MACROD2: variants seen among roughly 807,000 people sequenced by gnomAD.
MACROD2 encodes mono-ADP ribosylhydrolase 2, also known as ADP-ribose glycohydrolase MACROD2.
Under a neutral mutation model 70.4 loss-of-function variants are expected in MACROD2, and 36 were observed. The observed-to-expected ratio is 0.51, with a 90% CI of 0.39 to 0.68. The LOEUF is 0.68. MACROD2 is among the 30% of genes least tolerant of loss of function. The pLI, the probability that MACROD2 is intolerant of heterozygous loss-of-function variation, is 0.00. For synonymous variants in MACROD2, 172 were observed against 178.8 expected (o/e 0.96, Z 0.30); for missense variants, 496 against 538.4 (o/e 0.92, Z 0.78).
intron 3 of MACROD2, among the ~76,000 whole-genome samples, chr20:14,234,288 T>C (rs1410184708): frequency 2.0e-5 from 3 of 152,208 alleles, no homozygotes; most frequent in Non-Finnish European, 2.9e-5. Context: ...ATTCTATTGA[T>C]TGTTCATATA....
intron 6 of MACROD2, among the ~76,000 whole-genome samples, chr20:15,296,314 G>C (rs1023625097): frequency 6.6e-6 from 1 of 152,102 alleles, no homozygotes; most frequent in African/African-American, 2.4e-5. Context: ...TAGAAAGAGA[G>C]AGACAGAAAA....
In MACROD2 at chr20:14,326,052, G is replaced by T. The variant is rs779955644; in HGVS notation, c.272-167427G>T. 5 of 1,613,934 alleles carry T rather than the reference G, an allele frequency of 3.1e-6. No homozygotes were observed. The South Asian group carries it at 5.5e-5, about 18-fold the overall frequency. On this transcript the variant is annotated intron_variant, in intron 3 of 17. Coordinates refer to ENST00000684519, the MANE Select transcript of MACROD2 (RefSeq NM_001351661.2). The surrounding 1 kb of genome is among the most constrained non-coding windows in gnomAD (Gnocchi z 5.5). ...GAGTTTCATCAAATAGGTAGAGGTT[G>T]CTGGTTTCCATGGGAACCATGCATA... is the stretch of plus-strand genomic sequence containing the variant.
At chr20:14,047,269 A>G (rs2053491987) in intron 2 of MACROD2, among the ~76,000 whole-genome samples, 1 of 151,910 alleles carries the variant, frequency 6.6e-6, no homozygotes, top group Admixed American at 6.6e-5. Context: ...GCATGGTGAA[A>G]CTCCGTCTCT....
intron 6 of MACROD2, among the ~76,000 whole-genome samples, chr20:15,243,267 A>C (rs1205616625): frequency 1.3e-5 from 2 of 152,122 alleles, no homozygotes. Context: ...ACTGAGCATG[A>C]TCCTGCTCCA....
chr20:15,119,822 AAT>A (rs1349133151), intron 5 of MACROD2, among the ~76,000 whole-genome samples: 1 of 152,240 alleles, frequency 6.6e-6, no homozygotes, highest in African/African-American at 2.4e-5. Flanking sequence ...TATGCAGACT[AAT>A]GCAAATTATC....
intron 3 of MACROD2, among the ~76,000 whole-genome samples, chr20:14,112,424 A>C (rs2054463496): frequency 6.6e-6 from 1 of 152,036 alleles, no homozygotes; most frequent in South Asian, 2.1e-4. Flanking sequence ...CCCATTTTCC[A>C]TGATGTGATT....
intron 8 of MACROD2, among the ~76,000 whole-genome samples, chr20:15,805,246 G>C (rs1291037190): frequency 6.6e-6 from 1 of 152,132 alleles, no homozygotes; most frequent in Non-Finnish European, 1.5e-5. Context: ...GGATAGAATG[G>C]GCAATGATGT....
intron 5 of MACROD2, among the ~76,000 whole-genome samples, chr20:15,207,315 A>G (rs995727544): frequency 2.1e-4 from 32 of 151,978 alleles, no homozygotes; most frequent in Admixed American, 1.3e-4. Context: ...TCATTCCTGA[A>G]GGATAAGTTT....
chr20:14,713,237 A>G (rs1036695091), intron 5 of MACROD2, among the ~76,000 whole-genome samples: 1 of 152,164 alleles, frequency 6.6e-6, no homozygotes, highest in Non-Finnish European at 1.5e-5. Context: ...ACAGCTTGCC[A>G]GGTGCTCACT....
chr20:16,007,211 G>T (rs2066801075), intron 15 of MACROD2, among the ~76,000 whole-genome samples: 1 of 152,334 alleles, frequency 6.6e-6, no homozygotes, highest in East Asian at 1.9e-4. Context: ...AAATGTAGCT[G>T]CATTTTATAA....
At chr20:14,460,013 A>T (rs149367602) in intron 3 of MACROD2, among the ~76,000 whole-genome samples, 22,707 of 151,926 alleles carry the variant, frequency 0.15, 2,415 homozygotes, top group Non-Finnish European at 0.21. Flanking sequence ...GCTGAGAATG[A>T]TGGTTTCCAG....
At chr20:15,913,175 T>C (rs992647358) in intron 10 of MACROD2, among the ~76,000 whole-genome samples, 2 of 152,172 alleles carry the variant, frequency 1.3e-5, no homozygotes, top group Admixed American at 1.3e-4. Flanking sequence ...ATTATTATTA[T>C]TTCTTCTGGA....
chr20:15,866,292 A>G (rs1291154634), intron 9 of MACROD2, among the ~76,000 whole-genome samples: 2 of 152,090 alleles, frequency 1.3e-5, no homozygotes, highest in Non-Finnish European at 2.9e-5. Flanking sequence ...GCTACTCAGG[A>G]GGCTGAAGTG....
intron 6 of MACROD2, among the ~76,000 whole-genome samples, chr20:15,263,597 T>C (rs1240667359): frequency 6.6e-6 from 1 of 152,150 alleles, no homozygotes; most frequent in Non-Finnish European, 1.5e-5. Context: ...AGGGATTGCA[T>C]TGAATCTGTA....
At chr20:15,494,089 A>C (rs2047264431) in intron 7 of MACROD2, among the ~76,000 whole-genome samples, 1 of 152,234 alleles carries the variant, frequency 6.6e-6, no homozygotes, top group Non-Finnish European at 1.5e-5. Flanking sequence ...TCTAGTTATA[A>C]AAAGTATTGA....
At chr20:14,820,534 A>G (rs1471167785) in intron 5 of MACROD2, among the ~76,000 whole-genome samples, 1 of 151,858 alleles carries the variant, frequency 6.6e-6, no homozygotes, top group Non-Finnish European at 1.5e-5. Flanking sequence ...GAGAAAAGAC[A>G]ATTTCATCAC....
chr20:15,757,747 G>A (rs2051368993), intron 8 of MACROD2, among the ~76,000 whole-genome samples: 1 of 152,170 alleles, frequency 6.6e-6, no homozygotes. Flanking sequence ...ATAGATAAGA[G>A]ATAGAGAAGA....
chr20:14,506,732 C>T (rs748221585), intron 4 of MACROD2, among the ~76,000 whole-genome samples: 3 of 152,158 alleles, frequency 2.0e-5, no homozygotes, highest in African/African-American at 4.8e-5. Flanking sequence ...GGACAGACAA[C>T]GAGGTCAGGA....
At chr20:14,427,563 T>C (rs1328309560) in intron 3 of MACROD2, among the ~76,000 whole-genome samples, 1 of 152,002 alleles carries the variant, frequency 6.6e-6, no homozygotes, top group African/African-American at 2.4e-5. Flanking sequence ...CTATATTATA[T>C]ATGTGCATGT....
Sources: allele counts gnomAD v4.1 joint callset (sites outside exome capture counted in the v4.1 genomes callset), GRCh38; gene constraint gnomAD v4.1.1; non-coding constraint Gnocchi (gnomAD v3.1); transcripts MANE v1.5; gene names NCBI Gene and HGNC (gene_info 2026-07-23, HGNC 2026-07-21).